SORBS2: variants seen among roughly 807,000 people sequenced by gnomAD.
SORBS2 encodes the protein sorbin and SH3 domain-containing protein 2.
Under a neutral mutation model 97.7 loss-of-function variants are expected in SORBS2, and 46 were observed. That is an observed-to-expected ratio of 0.47 (90% CI 0.37 to 0.60). The LOEUF (loss-of-function observed/expected upper bound fraction) is 0.60, where lower values mean the gene tolerates loss of function less well. SORBS2 is among the 20% of genes least tolerant of loss of function. The pLI is 0.00. For missense variants in SORBS2, 1,316 were observed against 1,282.3 expected (o/e 1.03, Z -0.40); for synonymous variants, 476 against 473.4 (o/e 1.01, Z -0.07).
chr4:185,609,771 TA>T (rs1205462430), intron 12 of SORBS2, among the ~76,000 whole-genome samples: 1 of 152,244 alleles, frequency 6.6e-6, no homozygotes, highest in Non-Finnish European at 1.5e-5. Context: ...TCTCTGTTTG[TA>T]AATATCAGTT....
At chr4:185,828,478 A>G (rs2099203220) in intron 1 of SORBS2, among the ~76,000 whole-genome samples, 1 of 152,280 alleles carries the variant, frequency 6.6e-6, no homozygotes, top group African/African-American at 2.4e-5. Context: ...TATCATCATC[A>G]TCATTATCAT....
At chr4:185,686,677 C>T (rs1210853237) in intron 2 of SORBS2, among the ~76,000 whole-genome samples, 1 of 152,214 alleles carries the variant, frequency 6.6e-6, no homozygotes, top group Non-Finnish European at 1.5e-5. Context: ...TAAAAACTGA[C>T]ATCACTCTAA....
At chr4:185,712,741 A>G (rs1332098408) in intron 2 of SORBS2, among the ~76,000 whole-genome samples, 1 of 152,172 alleles carries the variant, frequency 6.6e-6, no homozygotes, top group Non-Finnish European at 1.5e-5. Flanking sequence ...GCGCTCATGC[A>G]CGCCAGCTTC....
intron 1 of SORBS2, among the ~76,000 whole-genome samples, chr4:185,921,843 A>G (rs190906411): frequency 1.3e-5 from 2 of 152,320 alleles, no homozygotes; most frequent in Admixed American, 6.5e-5. Context: ...GCATTCCCCA[A>G]CATTTCCAGT....
intron 1 of SORBS2, among the ~76,000 whole-genome samples, chr4:185,926,589 T>C (rs2099263845): frequency 6.6e-6 from 1 of 151,794 alleles, no homozygotes; most frequent in African/African-American, 2.4e-5. Flanking sequence ...AATTCTATTA[T>C]AAAAGCCAAT....
intron 2 of SORBS2, among the ~76,000 whole-genome samples, chr4:185,719,231 G>A (rs1424996093): frequency 6.6e-6 from 1 of 152,116 alleles, no homozygotes; most frequent in Non-Finnish European, 1.5e-5. Flanking sequence ...TTCTGGCTTG[G>A]AGAAGCAGCA....
chr4:185,803,859 T>C (rs996470183), intron 1 of SORBS2, among the ~76,000 whole-genome samples: 3 of 152,212 alleles, frequency 2.0e-5, no homozygotes, highest in African/African-American at 7.2e-5. Context: ...GTTACTGCCC[T>C]AAGACAGCCC....
chr4:185,636,497 TGATTTCTAA>T (rs1422899623), intron 4 of SORBS2, among the ~76,000 whole-genome samples: 4 of 152,154 alleles, frequency 2.6e-5, no homozygotes, highest in Non-Finnish European at 5.9e-5. Context: ...GGTTATATCC[TGATTTCTAA>T]AAAAACTATC....
intron 1 of SORBS2, among the ~76,000 whole-genome samples, chr4:185,904,056 A>G (rs1275741241): frequency 6.6e-6 from 1 of 152,150 alleles, no homozygotes; most frequent in Non-Finnish European, 1.5e-5. Context: ...TCTAGAAACC[A>G]CCGTACATTC....
At chr4:185,952,027 G>C (rs1181817335) in intron 1 of SORBS2, among the ~76,000 whole-genome samples, 2 of 138,246 alleles carry the variant, frequency 1.4e-5, no homozygotes, top group African/African-American at 5.1e-5. Flanking sequence ...AGTTAAAATA[G>C]CTTCTTTTTT....
chr4:185,651,808 T>C (rs1236258295), intron 2 of SORBS2: 2 of 1,501,552 alleles, frequency 1.3e-6, no homozygotes, highest in African/African-American at 1.4e-5. Context: ...TAAGGAGTAT[T>C]ATACATGTCT....
Position 185,732,456 on chromosome 4 carries a change from C to CAA in SORBS2, c.-198+42769_-198+42770dup, listed in dbSNP as rs2098648695. ...GAGGTTCATGATTTCTCAGGGAGACCAAAGTGCCTATGTGACTGTGAGGGG... is the reference window on the plus strand; with the variant it reads ...GAGGTTCATGATTTCTCAGGGAGACCAAAAAGTGCCTATGTGACTGTGAGGGG... On this transcript the variant is annotated intron_variant, in intron 2 of 20. Transcript: ENST00000284776. Among the ~76,000 whole-genome samples the CAA allele has an allele frequency of 2.6e-5, 4 of 152,212 alleles. No individual in the cohort carries two copies. The South Asian group carries it at 8.3e-4, about 32-fold the overall frequency.
chr4:185,649,981 T>C (rs1207146624), intron 2 of SORBS2, among the ~76,000 whole-genome samples: 2 of 152,192 alleles, frequency 1.3e-5, no homozygotes, highest in Admixed American at 6.5e-5. Flanking sequence ...TCTCTTCAAT[T>C]GTATACACTA....
At chr4:185,708,607 A>G (rs1273236658) in intron 2 of SORBS2, among the ~76,000 whole-genome samples, 1 of 152,198 alleles carries the variant, frequency 6.6e-6, no homozygotes, top group African/African-American at 2.4e-5. Flanking sequence ...CATAAGGCTA[A>G]TGAGCTATTT....
chr4:185,915,026 G>A (rs1378947027), intron 1 of SORBS2, among the ~76,000 whole-genome samples: 1 of 152,130 alleles, frequency 6.6e-6, no homozygotes, highest in Admixed American at 6.5e-5. Flanking sequence ...TGTAATGAAT[G>A]ACGACACTAA....
chr4:185,873,082 G>A lies in SORBS2; in HGVS notation c.-338+83114C>T, dbSNP rs191137170. 3.4e-3 allele frequency among the ~76,000 whole-genome samples: 512 copies of A among 152,164 alleles called. 5 individuals carry two copies. Among genetic ancestry groups the A allele is most frequent in the African/African-American group, 0.012 (480 of 41,502 alleles). ...GTAAAAGAATAAAATGATAAATAAGGGCCACTATAAAATGAATGTTACACA... is the reference window on the plus strand; with the variant it reads ...GTAAAAGAATAAAATGATAAATAAGAGCCACTATAAAATGAATGTTACACA... On this transcript the variant is annotated intron_variant, in intron 1 of 20. Coordinates refer to the SORBS2 transcript ENST00000284776.
At chr4:185,609,440 G>A (rs1231222571) in intron 12 of SORBS2, among the ~76,000 whole-genome samples, 1 of 152,086 alleles carries the variant, frequency 6.6e-6, no homozygotes, top group East Asian at 1.9e-4. Flanking sequence ...CTGATGCTGC[G>A]ACTACGCTGT....
intron 2 of SORBS2, among the ~76,000 whole-genome samples, chr4:185,726,953 G>T (rs1365503610): frequency 2.0e-5 from 3 of 152,066 alleles, no homozygotes; most frequent in African/African-American, 7.3e-5. Context: ...TAAAGTATTG[G>T]GTTGCCTTGT....
At chr4:185,729,829 C>A (rs73015584) in intron 2 of SORBS2, among the ~76,000 whole-genome samples, 4,065 of 152,220 alleles carry the variant, frequency 0.027, 200 homozygotes, top group African/African-American at 0.093. Flanking sequence ...AAATATAACA[C>A]GCAGTGTAGA....
Sources: gnomAD v4.1 joint callset for allele counts (sites outside exome capture counted in the v4.1 genomes callset) on GRCh38, gnomAD v4.1.1 for gene constraint, MANE v1.5 for transcripts, NCBI Gene and HGNC (gene_info 2026-07-23, HGNC 2026-07-21) for gene names.